The following TIMM23B variants were observed in gnomAD, a reference collection of about 807,000 sequenced individuals.
The protein encoded by TIMM23B is mitochondrial import inner membrane translocase subunit Tim23B.
TIMM23B carries 27 observed loss-of-function variants against 27.3 expected under a neutral mutation model. The observed-to-expected ratio is 0.99, with a 90% CI of 0.73 to 1.36. The LOEUF is 1.36. Among genes scored for constraint, TIMM23B ranks in the 40% most tolerant of loss-of-function variants. The probability of loss-of-function intolerance (pLI) is 0.00; values close to 1 mark genes in which losing one functional copy is unlikely to be tolerated. For missense variants in TIMM23B, 205 were observed against 244.2 expected (o/e 0.84, Z 1.07); for synonymous variants, 73 against 92.4 (o/e 0.79, Z 1.21).
intron 5 of TIMM23B, among the ~76,000 whole-genome samples, chr10:49,957,890 C>A (rs1839778201): frequency 6.6e-6 from 1 of 152,224 alleles, no homozygotes; most frequent in Non-Finnish European, 1.5e-5. Context: ...CCTGCCTGCC[C>A]AGATTCTCCT....
At chr10:49,969,723 T>A (rs1414608707) in intron 6 of TIMM23B, among the ~76,000 whole-genome samples, 18 of 152,162 alleles carry the variant, frequency 1.2e-4, no homozygotes, top group African/African-American at 4.3e-4. Context: ...AATATTATTC[T>A]GCCTTTAAAA....
chr10:49,955,924 C>T (rs1455479434), intron 5 of TIMM23B, among the ~76,000 whole-genome samples: 10,594 of 152,180 alleles, frequency 0.07, 522 homozygotes, highest in African/African-American at 0.12. Flanking sequence ...CCTACAGAGT[C>T]ACCCCTCTCT....
chr10:49,965,192 C>T (rs1399700770), intron 6 of TIMM23B, among the ~76,000 whole-genome samples: 2 of 151,922 alleles, frequency 1.3e-5, no homozygotes, highest in Non-Finnish European at 2.9e-5. Flanking sequence ...TGCACTCCAG[C>T]CTGGGCAATA....
At chr10:49,965,484 A>AC (rs55780423) in intron 6 of TIMM23B, among the ~76,000 whole-genome samples, 23,306 of 140,110 alleles carry the variant, frequency 0.17, 3,058 homozygotes, top group Non-Finnish European at 0.25. Flanking sequence ...TGCACTCCAG[A>AC]CTGGGCGATA....
chr10:49,971,449 CA>C (rs1241134210), intron 6 of TIMM23B, among the ~76,000 whole-genome samples: 1 of 150,778 alleles, frequency 6.6e-6, no homozygotes, highest in African/African-American at 2.4e-5. Context: ...TTAAAACAAA[CA>C]AAAAAAGAGA....
At chr10:49,960,576 GTTTTA>G (rs1839863487) in intron 6 of TIMM23B, among the ~76,000 whole-genome samples, 1 of 151,900 alleles carries the variant, frequency 6.6e-6, no homozygotes, top group Non-Finnish European at 1.5e-5. Flanking sequence ...GTACTCCCTT[GTTTTA>G]TAGACAAAGA....
intron 6 of TIMM23B, among the ~76,000 whole-genome samples, chr10:49,960,440 T>C (rs1310306496): frequency 2.2e-4 from 34 of 151,566 alleles, no homozygotes; most frequent in Non-Finnish European, 4.4e-4. Flanking sequence ...ATATTGTCTG[T>C]TGACTTCCAA....
chr10:49,958,679 A>G (rs1281910525), intron 6 of TIMM23B, among the ~76,000 whole-genome samples, 199 bp downstream of exon 6: 1 of 152,222 alleles, frequency 6.6e-6, no homozygotes, highest in Non-Finnish European at 1.5e-5. Context: ...TATACAGTAC[A>G]TTAGTATTAT....
At position 49,959,744 on chromosome 10, in the gene TIMM23B, AT is replaced by A. The variant is rs71258795; in HGVS notation, c.514+1277del. On this transcript the variant is annotated intron_variant, in intron 6 of 6. Transcript: ENST00000651259. ...TCCCTTTTCCCAAAGGCAACTTTTAATTTTTTTTTTTTTCTTTCTTTTTTGA... is the reference window on the plus strand; with the variant it reads ...TCCCTTTTCCCAAAGGCAACTTTTAATTTTTTTTTTTTCTTTCTTTTTTGA... Among the ~76,000 whole-genome samples, 446 of 144,724 alleles carry A rather than the reference AT, an allele frequency of 3.1e-3. 3 individuals carry two copies. Among genetic ancestry groups the A allele is most frequent in the East Asian group, 0.017 (83 of 4,996 alleles). The allele number at this position is 144,724 out of a possible 152,430, so 94.9% of individuals were successfully genotyped here.
chr10:49,965,948 GATGAA>G (rs1487518060), intron 6 of TIMM23B, among the ~76,000 whole-genome samples: 13 of 141,140 alleles, frequency 9.2e-5, no homozygotes, highest in Admixed American at 8.3e-4. Context: ...GAAATGAAAT[GATGAA>G]ATGAATAATG....
At chr10:49,953,209 T>C (rs1839598126) in intron 4 of TIMM23B, among the ~76,000 whole-genome samples, 2 of 151,866 alleles carry the variant, frequency 1.3e-5, no homozygotes. Context: ...GTAAGTGGAA[T>C]CATGAGTATG....
At chr10:49,965,715 G>A (rs1274683234) in intron 6 of TIMM23B, among the ~76,000 whole-genome samples, 5 of 149,378 alleles carry the variant, frequency 3.3e-5, no homozygotes, top group African/African-American at 9.9e-5. Context: ...AATGAAATAC[G>A]AAATGCCGGG....
rs181244678 is a variant in TIMM23B, at chr10:49,963,459, G to A, written c.514+4979G>A. On this transcript the variant is annotated intron_variant, in intron 6 of 6. Coordinates refer to ENST00000651259, the MANE Select transcript of TIMM23B (RefSeq NM_001290117.2). ...GGGCAATAGAGCAGGTCTCCGTCTC[G>A]AAATGAAATGAGATGACATGAGATG... Among the ~76,000 whole-genome samples, 484 of 152,110 alleles carry A rather than the reference G, an allele frequency of 3.2e-3. 7 individuals carry two copies. Among genetic ancestry groups the A allele is most frequent in the African/African-American group, 0.011 (463 of 41,472 alleles).
intron 6 of TIMM23B, among the ~76,000 whole-genome samples, chr10:49,958,954 T>C (rs1839811164): frequency 6.6e-6 from 1 of 152,258 alleles, no homozygotes; most frequent in African/African-American, 2.4e-5. Flanking sequence ...TTTTTAAAGC[T>C]AAATAATATT....
intron 2 of TIMM23B, among the ~76,000 whole-genome samples, chr10:49,951,822 G>A (rs1156882213): frequency 3.9e-5 from 6 of 152,130 alleles, no homozygotes; most frequent in African/African-American, 1.4e-4. Flanking sequence ...TCTTCTCATA[G>A]CTTTCAGTGT....
chr10:49,955,649 T>C (rs1481829332), intron 5 of TIMM23B, among the ~76,000 whole-genome samples: 1 of 152,240 alleles, frequency 6.6e-6, no homozygotes, highest in African/African-American at 2.4e-5. Flanking sequence ...AGATCTCTTA[T>C]GGCTTATGTC....
Position 49,955,174 on chromosome 10 carries a change from T to C in TIMM23B, c.403+114T>C. On this transcript the variant is annotated intron_variant, in intron 5 of 6. Transcript: ENST00000651259. Reference sequence around the variant, plus strand: ...GTCCTAGGATATGAGACAATTATGTTTAAATCCATTCCAATGCATAATGTA... The same window carrying C: ...GTCCTAGGATATGAGACAATTATGTCTAAATCCATTCCAATGCATAATGTA... 2.6e-6 allele frequency: 3 copies of C among 1,135,794 alleles called. No homozygotes were observed. The Admixed American group carries it at 5.6e-5, about 21-fold the overall frequency. 70.4% of individuals were successfully genotyped at this position (1,135,794 alleles called of 1,614,324 possible). A position where few individuals can be genotyped will look rare whatever the true frequency, so the allele number is the denominator to read the frequency against.
In TIMM23B at chr10:49,945,483, C is replaced by T. The variant is rs1364125589; in HGVS notation, c.165+393C>T. 9.2e-5 allele frequency among the ~76,000 whole-genome samples: 14 copies of T among 152,262 alleles called. No homozygotes were observed. In the East Asian group the frequency reaches 2.7e-3, roughly 29 times the overall value. ...GCAACCTCAGCCTCCCAAATTCAGG[C>T]CATCGTCCTGCCTCAGCCTCCCGAG... On this transcript the variant is annotated intron_variant, in intron 2 of 6. Transcript: ENST00000651259.
intron 6 of TIMM23B, among the ~76,000 whole-genome samples, chr10:49,967,142 A>C (rs550329002): frequency 2.6e-5 from 4 of 152,196 alleles, no homozygotes; most frequent in South Asian, 4.1e-4. Flanking sequence ...GGCTAGTCTC[A>C]AACTCCTGAG....
Sources: gnomAD v4.1 joint callset for allele counts (sites outside exome capture counted in the v4.1 genomes callset) on GRCh38, gnomAD v4.1.1 for gene constraint, MANE v1.5 for transcripts, NCBI Gene and HGNC (gene_info 2026-07-23, HGNC 2026-07-21) for gene names.